The following SKA2 variants were observed in gnomAD, a reference collection of about 807,000 sequenced individuals.
The protein encoded by SKA2 is spindle and kinetochore associated complex subunit 2, also known as spindle and kinetochore-associated protein 2.
A neutral mutation model predicts 16.9 loss-of-function variants in SKA2; 13 were observed. The ratio of observed to expected loss-of-function variants is 0.77; its 90% CI spans 0.50 to 1.22. SKA2 has a LOEUF of 1.22. SKA2 is among the 50% of genes most tolerant of loss of function. The probability of loss-of-function intolerance (pLI) is 0.00; values close to 1 mark genes in which losing one functional copy is unlikely to be tolerated. For synonymous variants in SKA2, 47 were observed against 48.5 expected, an observed-to-expected ratio of 0.97 and a Z score of 0.13; for missense variants, 107 against 139.7, an observed-to-expected ratio of 0.77 and a Z score of 1.18.
At chr17:59,122,623 C>A (rs892835963) in intron 2 of SKA2, among the ~76,000 whole-genome samples, 1 of 150,922 alleles carries the variant, frequency 6.6e-6, no homozygotes. Flanking sequence ...AAAATAATAA[C>A]TATTATTATT....
At chr17:59,153,168 T>G (rs1031992648) in intron 1 of SKA2, among the ~76,000 whole-genome samples, 1 of 152,178 alleles carries the variant, frequency 6.6e-6, no homozygotes, top group Non-Finnish European at 1.5e-5. Context: ...GCAAACAACC[T>G]GTTAAAAGCA....
chr17:59,131,215 A>G, intron 2 of SKA2, 66 bp downstream of exon 2: 1 of 1,029,200 alleles, frequency 9.7e-7, no homozygotes, highest in Non-Finnish European at 1.4e-6. Context: ...TAGGAATGCT[A>G]TCAGAAAATT....
chr17:59,126,887 G>A (rs981108117), intron 2 of SKA2, among the ~76,000 whole-genome samples: 2 of 152,002 alleles, frequency 1.3e-5, no homozygotes, highest in African/African-American at 2.4e-5. Context: ...CAGATGAATC[G>A]ATAAACAAAA....
At chr17:59,115,657 G>A (rs1599656673) in intron 3 of SKA2, among the ~76,000 whole-genome samples, 1 of 152,092 alleles carries the variant, frequency 6.6e-6, no homozygotes, top group Non-Finnish European at 1.5e-5. Flanking sequence ...GCAGTGGTGC[G>A]GTCATAGCTC....
chr17:59,148,575 C>A (rs1185869285), intron 1 of SKA2, among the ~76,000 whole-genome samples: 7 of 151,942 alleles, frequency 4.6e-5, no homozygotes, highest in Non-Finnish European at 1.0e-4. Flanking sequence ...TGCGCCACCA[C>A]ACCCAGCCAA....
intron 3 of SKA2, among the ~76,000 whole-genome samples, chr17:59,117,233 G>A (rs529113330): frequency 5.3e-5 from 8 of 152,104 alleles, no homozygotes; most frequent in African/African-American, 1.9e-4. Context: ...AACTGTTTTT[G>A]GTTATCAGCT....
At chr17:59,120,731 A>C (rs541283970) in intron 2 of SKA2, among the ~76,000 whole-genome samples, 1 of 152,340 alleles carries the variant, frequency 6.6e-6, no homozygotes, top group African/African-American at 2.4e-5. Flanking sequence ...CAGACAAAGG[A>C]TCAGGAATGA....
chr17:59,143,111 A>G (rs947350811), intron 1 of SKA2, among the ~76,000 whole-genome samples: 2 of 151,806 alleles, frequency 1.3e-5, no homozygotes, highest in African/African-American at 4.8e-5. Context: ...TATTTATGGT[A>G]TCTTGTAGCA....
intron 2 of SKA2, chr17:59,124,292 T>C (rs2046356384): frequency 6.6e-6 from 1 of 151,748 alleles, no homozygotes; most frequent in African/African-American, 2.4e-5. Context: ...TAGAACCAGG[T>C]GTGGTGGCAC....
At chr17:59,151,587 T>C (rs1035795060) in intron 1 of SKA2, among the ~76,000 whole-genome samples, 2 of 152,204 alleles carry the variant, frequency 1.3e-5, no homozygotes, top group Middle Eastern at 3.2e-3. Flanking sequence ...TCTGCAGAGA[T>C]GTTGGTTAGC....
At chr17:59,122,656 G>A (rs2046343043) in intron 2 of SKA2, among the ~76,000 whole-genome samples, 2 of 151,518 alleles carry the variant, frequency 1.3e-5, no homozygotes, top group African/African-American at 4.9e-5. Flanking sequence ...CAGGTGTGCT[G>A]GCACATGCCT....
At chr17:59,150,559 A>AG (rs1242303376) in intron 1 of SKA2, among the ~76,000 whole-genome samples, 2 of 152,138 alleles carry the variant, frequency 1.3e-5, no homozygotes, top group Non-Finnish European at 2.9e-5. Context: ...CAACACAGTG[A>AG]GACCCTGTCT....
chr17:59,127,409 G>A (rs886299779), intron 2 of SKA2, among the ~76,000 whole-genome samples: 3 of 151,826 alleles, frequency 2.0e-5, no homozygotes, highest in Admixed American at 6.6e-5. Flanking sequence ...CTTTTCTTTT[G>A]AGACAGTCTT....
At chr17:59,123,490 G>A (rs2013588052) in intron 2 of SKA2, among the ~76,000 whole-genome samples, 1 of 151,266 alleles carries the variant, frequency 6.6e-6, no homozygotes, top group Non-Finnish European at 1.5e-5. Context: ...CTGGGAGGCG[G>A]AGGTTGCAGT....
At position 59,112,217 on chromosome 17, in the gene SKA2, C is replaced by T; in HGVS notation, c.*60G>A. 7.1e-7 allele frequency: 1 copy of T among 1,417,342 alleles called. No homozygotes were observed. Among genetic ancestry groups the T allele is most frequent in the South Asian group, 1.2e-5 (1 of 83,222 alleles). The allele number at this position is 1,417,342 out of a possible 1,614,324, so 87.8% of individuals were successfully genotyped here. ...ACATCAAGGGTTAACAAGACATCTT[C>T]CTAAATTTCTCCGGAATTAAGCTCT... On this transcript the variant is annotated 3_prime_UTR_variant, in exon 4 of 4. Transcript: ENST00000330137.
intron 1 of SKA2, among the ~76,000 whole-genome samples, chr17:59,136,531 T>C (rs73319258): frequency 0.043 from 6,544 of 151,568 alleles, 490 homozygotes; most frequent in African/African-American, 0.15. Context: ...TGCCAAAATG[T>C]TGAAAGATAG....
chr17:59,119,315 T>C lies in SKA2; in HGVS notation c.297+4A>G. 3 of 1,613,266 alleles carry C rather than the reference T, an allele frequency of 1.9e-6. No individual in the cohort carries two copies. Among genetic ancestry groups the C allele is most frequent in the Non-Finnish European group, 1.7e-6 (2 of 1,179,422 alleles). ...AAATCTAACCTGTCAACTGAAAGCA[T>C]TACCTCCAGGTCTGTTTGCTTCTGT... On this transcript the variant is annotated splice_donor_region_variant and intron_variant, in intron 3 of 3. Coordinates refer to ENST00000330137, the MANE Select transcript of SKA2 (RefSeq NM_182620.4).
At chr17:59,133,286 G>A (rs1400914084) in intron 1 of SKA2, among the ~76,000 whole-genome samples, 1 of 152,132 alleles carries the variant, frequency 6.6e-6, no homozygotes, top group Non-Finnish European at 1.5e-5. Context: ...TTCTGCAAGC[G>A]GTATAATCAA....
At chr17:59,130,977 T>G (rs942636414) in intron 2 of SKA2, among the ~76,000 whole-genome samples, 2 of 152,150 alleles carry the variant, frequency 1.3e-5, no homozygotes, top group Admixed American at 6.6e-5. Context: ...GAAGAACAAC[T>G]GCCCTAGAGG....
Sources: allele counts gnomAD v4.1 joint callset (sites outside exome capture counted in the v4.1 genomes callset), GRCh38; gene constraint gnomAD v4.1.1; transcripts MANE v1.5; gene names NCBI Gene and HGNC (gene_info 2026-07-23, HGNC 2026-07-21).